Variants in FBXW2 observed in about 807,000 individuals in gnomAD.
The protein encoded by FBXW2 is F-box/WD repeat-containing protein 2.
Under a neutral mutation model 46.0 loss-of-function variants are expected in FBXW2, and 12 were observed. That is an observed-to-expected ratio of 0.26 (90% CI 0.17 to 0.42). FBXW2 has a LOEUF of 0.42. FBXW2 is among the 10% of genes least tolerant of loss of function. The pLI is 1.00. For missense variants in FBXW2, 360 were observed against 537.0 expected (o/e 0.67, Z 3.26); for synonymous variants, 203 against 209.6 (o/e 0.97, Z 0.27).
At position 120,783,587 on chromosome 9, in the gene FBXW2, C is replaced by T. The variant is rs2044660892; in HGVS notation, c.490+4182G>A. ...ATTTATTACAATGGAGCACCAGCTG[C>T]ACTCTTTAGAAAGGCAAGTGTTCTT... On this transcript the variant is annotated intron_variant, in intron 3 of 7. Coordinates refer to ENST00000608872, the MANE Select transcript of FBXW2 (RefSeq NM_012164.4). Among the ~76,000 whole-genome samples the T allele has an allele frequency of 2.0e-5, 3 of 152,324 alleles. No individual in the cohort carries two copies. In the South Asian group the frequency reaches 6.2e-4, roughly 32 times the overall value.
intron 3 of FBXW2, among the ~76,000 whole-genome samples, chr9:120,780,562 C>T (rs1332599231): frequency 6.6e-6 from 1 of 152,180 alleles, no homozygotes; most frequent in Admixed American, 6.5e-5. Context: ...CTAGTGGCTA[C>T]TGTACCGGAG....
intron 4 of FBXW2, among the ~76,000 whole-genome samples, chr9:120,777,877 A>G (rs1269545942): frequency 6.6e-6 from 1 of 152,154 alleles, no homozygotes; most frequent in Non-Finnish European, 1.5e-5. Context: ...ATCAACTGTC[A>G]ACCAAGCTCA....
chr9:120,789,050 T>C (rs2044779924), intron 2 of FBXW2, among the ~76,000 whole-genome samples: 2 of 151,476 alleles, frequency 1.3e-5, no homozygotes, highest in South Asian at 4.2e-4. Context: ...CCTGGAGGCC[T>C]GCACAAATAA....
rs2044146943 is a variant in FBXW2, at chr9:120,757,737, A to G, written c.*6822T>C. 6.6e-6 allele frequency: 1 copy of G among 152,156 alleles called. No individual in the cohort carries two copies. Among genetic ancestry groups the G allele is most frequent in the African/African-American group, 2.4e-5 (1 of 41,430 alleles). The allele number at this position is 152,156 out of a possible 1,614,324, so 9.4% of individuals were successfully genotyped here. A position where few individuals can be genotyped will look rare whatever the true frequency, so the allele number is the denominator to read the frequency against. ...ATCTTTACCACAGAGAGCACAGAAC[A>G]TGTGGTTAAAATGCAAAGGACAGGA... On this transcript the variant is annotated 3_prime_UTR_variant, in exon 8 of 8. Coordinates refer to ENST00000608872, the MANE Select transcript of FBXW2 (RefSeq NM_012164.4).
At chr9:120,784,843 C>A (rs2044686316) in intron 3 of FBXW2, among the ~76,000 whole-genome samples, 1 of 149,722 alleles carries the variant, frequency 6.7e-6, no homozygotes, top group African/African-American at 2.5e-5. Flanking sequence ...ATCGCTTGAA[C>A]CCAGGAGGAG....
At chr9:120,791,625 G>A (rs2044843784) in intron 2 of FBXW2, among the ~76,000 whole-genome samples, 2 of 152,182 alleles carry the variant, frequency 1.3e-5, no homozygotes, top group Non-Finnish European at 2.9e-5. Flanking sequence ...GACACTAAGG[G>A]TGGAATGGAC....
At chr9:120,775,446 A>G (rs755697871) in intron 5 of FBXW2, among the ~76,000 whole-genome samples, 4 of 152,142 alleles carry the variant, frequency 2.6e-5, no homozygotes, top group Admixed American at 6.5e-5. Flanking sequence ...TATTTCTCCT[A>G]TTAGACTATC....
chr9:120,765,533 A>G (rs565479075), intron 7 of FBXW2, among the ~76,000 whole-genome samples: 1 of 152,338 alleles, frequency 6.6e-6, no homozygotes, highest in South Asian at 2.1e-4. Flanking sequence ...AGGATTCACA[A>G]TTTGTCAGTT....
rs773680000 is a variant in FBXW2, at chr9:120,758,583, A to G, written c.*5976T>C. On this transcript the variant is annotated 3_prime_UTR_variant, in exon 8 of 8. Transcript: ENST00000608872. ...TGAAGAGACTTGAAATACAGAAAGA[A>G]CAGACAAACATGAAAACATGGAAAA... 4.6e-5 allele frequency: 7 copies of G among 152,286 alleles called. No homozygotes were observed. Among genetic ancestry groups the G allele is most frequent in the African/African-American group, 9.7e-5 (4 of 41,446 alleles). 9.4% of individuals were successfully genotyped at this position (152,286 alleles called of 1,614,324 possible). A position where few individuals can be genotyped will look rare whatever the true frequency, so the allele number is the denominator to read the frequency against.
chr9:120,762,521 G>C lies in FBXW2; in HGVS notation c.*2038C>G, dbSNP rs1242891854. 4 of 152,152 alleles carry C rather than the reference G, an allele frequency of 2.6e-5. No individual in the cohort carries two copies. Among genetic ancestry groups the C allele is most frequent in the African/African-American group, 7.2e-5 (3 of 41,424 alleles). 9.4% of individuals were successfully genotyped at this position (152,152 alleles called of 1,614,324 possible). ...TAAACCCAGATTTTGTGGGATGGGG[G>C]AAGATATTGTTCTTTTGCTTAAACC... On this transcript the variant is annotated 3_prime_UTR_variant, in exon 8 of 8. Transcript: ENST00000608872.
At chr9:120,777,010 T>G (rs2044511198) in intron 4 of FBXW2, among the ~76,000 whole-genome samples, 1 of 151,920 alleles carries the variant, frequency 6.6e-6, no homozygotes, top group Non-Finnish European at 1.5e-5. Context: ...GAGGCGATAT[T>G]GGAGATGGGC....
chr9:120,776,291 CAAT>C (rs1256012153), intron 4 of FBXW2, 65 bp from the exon 5 acceptor site: 4 of 1,520,996 alleles, frequency 2.6e-6, no homozygotes, highest in East Asian at 2.4e-5. Flanking sequence ...TAATAGAGTT[CAAT>C]AATGTTTATT....
intron 6 of FBXW2, among the ~76,000 whole-genome samples, chr9:120,771,927 C>T (rs1013013741): frequency 2.0e-5 from 3 of 151,812 alleles, no homozygotes; most frequent in Admixed American, 1.3e-4. Context: ...GGCGTGATAG[C>T]ACACGCCTGT....
In FBXW2 at chr9:120,764,450, G is replaced by T; in HGVS notation, c.*109C>A. 8.1e-7 allele frequency: 1 copy of T among 1,232,868 alleles called. No individual in the cohort carries two copies. The allele number at this position is 1,232,868 out of a possible 1,614,324, so 76.4% of individuals were successfully genotyped here. A position where few individuals can be genotyped will look rare whatever the true frequency, so the allele number is the denominator to read the frequency against. On this transcript the variant is annotated 3_prime_UTR_variant, in exon 8 of 8. Transcript: ENST00000608872. The stretch of plus-strand genomic sequence containing the variant: ...GATAAATGATTGTGCACTGCGTGAT[G>T]ATACCATTAGGTGAGAACTTTGGTT...
chr9:120,769,072 G>A (rs2044326006), intron 7 of FBXW2, among the ~76,000 whole-genome samples: 1 of 152,230 alleles, frequency 6.6e-6, no homozygotes, highest in African/African-American at 2.4e-5. Flanking sequence ...GCTGTGCAGA[G>A]TCTGGGTCCT....
At position 120,793,141 on chromosome 9, in the gene FBXW2, G is replaced by A; in HGVS notation, c.-21+8C>T. The A allele has an allele frequency of 1.6e-6, 1 of 626,972 alleles. No homozygotes were observed. Among genetic ancestry groups the A allele is most frequent in the Non-Finnish European group, 2.8e-6 (1 of 361,850 alleles). 38.8% of individuals were successfully genotyped at this position (626,972 alleles called of 1,614,324 possible). A position where few individuals can be genotyped will look rare whatever the true frequency, so the allele number is the denominator to read the frequency against. Reference sequence around the variant, plus strand: ...TGCTCTCGGAATCGTGTTCCGCGCGGCACTGACCTGAGCGAGCGCCCCGGG... The same window carrying A: ...TGCTCTCGGAATCGTGTTCCGCGCGACACTGACCTGAGCGAGCGCCCCGGG... On this transcript the variant is annotated splice_region_variant and intron_variant, in intron 2 of 7. Coordinates refer to ENST00000608872, the MANE Select transcript of FBXW2 (RefSeq NM_012164.4).
intron 3 of FBXW2, among the ~76,000 whole-genome samples, chr9:120,786,873 A>C (rs1458625459): frequency 1.3e-5 from 2 of 152,338 alleles, no homozygotes; most frequent in Admixed American, 1.3e-4. Flanking sequence ...ATATAATTTT[A>C]AATTTTTAAT....
At chr9:120,779,982 T>TA (rs1230874719) in intron 3 of FBXW2, among the ~76,000 whole-genome samples, 5 of 151,058 alleles carry the variant, frequency 3.3e-5, no homozygotes, top group Admixed American at 6.6e-5. Flanking sequence ...TCTACTAAAA[T>TA]AAAAAAAATC....
rs1246954824 is a variant in FBXW2, at chr9:120,757,884, A to G, written c.*6675T>C. 1 of 152,182 alleles carries G rather than the reference A, an allele frequency of 6.6e-6. No individual in the cohort carries two copies. Among genetic ancestry groups the G allele is most frequent in the Non-Finnish European group, 1.5e-5 (1 of 68,020 alleles). The allele number at this position is 152,182 out of a possible 1,614,324, so 9.4% of individuals were successfully genotyped here. The stretch of plus-strand genomic sequence containing the variant: ...ATGGCAGAAGAGGGACGTCTAAGAG[A>G]GGAAAAGCTGTGTGGAATTGATCTT... On this transcript the variant is annotated 3_prime_UTR_variant, in exon 8 of 8. Transcript: ENST00000608872.
Sources: gnomAD v4.1 joint callset for allele counts (sites outside exome capture counted in the v4.1 genomes callset) on GRCh38, gnomAD v4.1.1 for gene constraint, MANE v1.5 for transcripts, NCBI Gene and HGNC (gene_info 2026-07-23, HGNC 2026-07-21) for gene names.